BMP5: variants seen among roughly 807,000 people sequenced by gnomAD.
BMP5 encodes the protein bone morphogenetic protein 5.
BMP5 carries 23 observed loss-of-function variants against 46.6 expected under a neutral mutation model. The observed-to-expected ratio is 0.49, with a 90% CI of 0.35 to 0.70. The LOEUF (loss-of-function observed/expected upper bound fraction) is 0.70, where lower values mean the gene tolerates loss of function less well. BMP5 is among the 30% of genes least tolerant of loss of function. The probability of loss-of-function intolerance (pLI) is 0.00; values close to 1 mark genes in which losing one functional copy is unlikely to be tolerated. For synonymous variants in BMP5, 204 were observed against 191.9 expected (o/e 1.06, Z -0.52); for missense variants, 545 against 565.6 (o/e 0.96, Z 0.37).
At chr6:55,823,519 C>G (rs1316369454) in intron 1 of BMP5, among the ~76,000 whole-genome samples, 1 of 151,984 alleles carries the variant, frequency 6.6e-6, no homozygotes, top group African/African-American at 2.4e-5. Flanking sequence ...CTACTTAAGT[C>G]CACTAGTTTT....
intron 1 of BMP5, among the ~76,000 whole-genome samples, chr6:55,853,342 TTC>T (rs5876469): frequency 1.0e-3 from 129 of 129,228 alleles, no homozygotes; most frequent in Middle Eastern, 3.8e-3. Context: ...CTCCCCCGCT[TTC>T]TCTCTCTCTC....
intron 1 of BMP5, among the ~76,000 whole-genome samples, chr6:55,864,855 G>A (rs1777604558): frequency 6.6e-6 from 1 of 151,274 alleles, no homozygotes; most frequent in Non-Finnish European, 1.5e-5. Context: ...AAAATTATAA[G>A]TTATTATAAC....
chr6:55,802,976 C>T (rs1047964035), intron 2 of BMP5, among the ~76,000 whole-genome samples: 1 of 151,828 alleles, frequency 6.6e-6, no homozygotes, highest in Admixed American at 6.6e-5. Flanking sequence ...AATTACTTTG[C>T]TATTACATTT....
intron 1 of BMP5, among the ~76,000 whole-genome samples, chr6:55,862,710 C>T (rs1777550330): frequency 6.6e-6 from 1 of 152,050 alleles, no homozygotes; most frequent in Non-Finnish European, 1.5e-5. Context: ...AAATATAAAA[C>T]CTTCTTTTCG....
intron 1 of BMP5, among the ~76,000 whole-genome samples, chr6:55,843,552 C>G (rs1197250507): frequency 6.6e-6 from 1 of 151,714 alleles, no homozygotes; most frequent in African/African-American, 2.4e-5. Context: ...GCCTTTATCG[C>G]TAAAGAACTA....
chr6:55,785,657 A>T (rs545452571), intron 3 of BMP5, among the ~76,000 whole-genome samples: 2 of 151,826 alleles, frequency 1.3e-5, no homozygotes, highest in South Asian at 4.1e-4. Context: ...TCTCAATGAC[A>T]CTTTTGCTAA....
intron 1 of BMP5, among the ~76,000 whole-genome samples, chr6:55,822,757 A>T (rs1452564161): frequency 6.6e-6 from 1 of 152,140 alleles, no homozygotes; most frequent in Admixed American, 6.6e-5. Context: ...TAAAGTAGAA[A>T]GCTAGAATTT....
At chr6:55,765,000 G>A (rs6909150) in intron 4 of BMP5, among the ~76,000 whole-genome samples, 1,899 of 152,084 alleles carry the variant, frequency 0.012, 41 homozygotes, top group African/African-American at 0.043. Context: ...TGATGTGATG[G>A]ATATCTTAAT....
chr6:55,818,382 A>T (rs1449665454), intron 2 of BMP5, among the ~76,000 whole-genome samples: 1 of 152,106 alleles, frequency 6.6e-6, no homozygotes, highest in African/African-American at 2.4e-5. Flanking sequence ...GCTCTCAAAT[A>T]TAATCACTGT....
intron 3 of BMP5, among the ~76,000 whole-genome samples, chr6:55,778,893 T>C (rs1296705966): frequency 6.6e-6 from 1 of 152,038 alleles, no homozygotes; most frequent in Non-Finnish European, 1.5e-5. Flanking sequence ...TGACTTCATA[T>C]AAGTACTGAG....
intron 2 of BMP5, among the ~76,000 whole-genome samples, chr6:55,813,900 A>G (rs756311880): frequency 2.3e-4 from 35 of 152,208 alleles, no homozygotes; most frequent in Non-Finnish European, 1.6e-4. Flanking sequence ...GCAATAATAC[A>G]GCGATAAACA....
Position 55,819,715 on chromosome 6 carries a change from C to T in BMP5, c.623G>A (p.Arg208Gln). Residue 208 changes from arginine (R) to glutamine (Q), a missense_variant, in exon 2 of 7, where the codon CGA (arginine) becomes CAA (glutamine). Coordinates refer to ENST00000370830, the MANE Select transcript of BMP5 (RefSeq NM_021073.4). Reference protein sequence around the residue: ...FRIYKDRSNNRFENETIKISI... With the variant: ...FRIYKDRSNNQFENETIKISI... ...AATCTTAATTGTTTCATTTTCAAATCGGTTGTTGCTCCGGTCCTTGTATAT... is the reference window on the plus strand; with the variant it reads ...AATCTTAATTGTTTCATTTTCAAATTGGTTGTTGCTCCGGTCCTTGTATAT... The T allele has an allele frequency of 1.2e-6, 2 of 1,613,740 alleles. No homozygotes were observed. Among genetic ancestry groups the T allele is most frequent in the East Asian group, 2.2e-5 (1 of 44,852 alleles).
intron 1 of BMP5, among the ~76,000 whole-genome samples, chr6:55,872,157 GA>G (rs1777802916): frequency 6.6e-6 from 1 of 151,750 alleles, no homozygotes; most frequent in Admixed American, 6.6e-5. Context: ...TATAAATCTT[GA>G]ATGTATTTGA....
chr6:55,764,525 T>C lies in BMP5; in HGVS notation c.1028-3992A>G, dbSNP rs777533260. On this transcript the variant is annotated intron_variant, in intron 4 of 6. Coordinates refer to ENST00000370830, the MANE Select transcript of BMP5 (RefSeq NM_021073.4). ...GAGGCGGAGCTTGCAGTGAGCGAGA[T>C]GGTGCCACTTCACTTCAGCCTGGGC... 1.7e-3 allele frequency among the ~76,000 whole-genome samples: 250 copies of C among 145,080 alleles called. 1 individual carries two copies. Among genetic ancestry groups the C allele is most frequent in the Non-Finnish European group, 4.0e-4 (27 of 67,152 alleles).
chr6:55,826,861 A>C (rs1387345860), intron 1 of BMP5, among the ~76,000 whole-genome samples: 3 of 151,764 alleles, frequency 2.0e-5, no homozygotes, highest in African/African-American at 7.2e-5. Flanking sequence ...TCACAGAGTT[A>C]GTTATCACAA....
intron 1 of BMP5, among the ~76,000 whole-genome samples, chr6:55,848,200 A>G (rs563262076): frequency 6.6e-6 from 1 of 152,032 alleles, no homozygotes; most frequent in South Asian, 2.1e-4. Flanking sequence ...TTCCTGGAAG[A>G]CCACCCTAAT....
chr6:55,860,668 C>A (rs116819512), intron 1 of BMP5, among the ~76,000 whole-genome samples: 1,688 of 152,238 alleles, frequency 0.011, 28 homozygotes, highest in African/African-American at 0.039. Context: ...CTCTTAGCTA[C>A]TTCTTGCCTT....
At chr6:55,841,916 C>G (rs202194853) in intron 1 of BMP5, among the ~76,000 whole-genome samples, 11 of 146,910 alleles carry the variant, frequency 7.5e-5, no homozygotes, top group East Asian at 2.0e-4. Context: ...GAGAGAGAGA[C>G]AGAGAGAGAG....
chr6:55,836,355 G>GTA (rs1322976507), intron 1 of BMP5, among the ~76,000 whole-genome samples: 1 of 152,122 alleles, frequency 6.6e-6, no homozygotes, highest in Non-Finnish European at 1.5e-5. Context: ...ACGTGTGTAT[G>GTA]TAACTATTTT....
Sources: gnomAD v4.1 joint callset for allele counts (sites outside exome capture counted in the v4.1 genomes callset) on GRCh38, gnomAD v4.1.1 for gene constraint, MANE v1.5 for transcripts, NCBI Gene and HGNC (gene_info 2026-07-23, HGNC 2026-07-21) for gene names.